SPATA16: variants seen among roughly 807,000 people sequenced by gnomAD.
The protein encoded by SPATA16 is spermatogenesis-associated protein 16.
A neutral mutation model predicts 63.3 loss-of-function variants in SPATA16; 36 were observed. The ratio of observed to expected loss-of-function variants is 0.57; its 90% CI spans 0.44 to 0.75. The LOEUF (loss-of-function observed/expected upper bound fraction) is 0.75, where lower values mean the gene tolerates loss of function less well. Ranked by LOEUF, SPATA16 falls within the 30% of genes least tolerant of loss-of-function variation. The probability of loss-of-function intolerance (pLI) is 0.00; values close to 1 mark genes in which losing one functional copy is unlikely to be tolerated. For synonymous variants in SPATA16, 203 were observed against 216.7 expected, an observed-to-expected ratio of 0.94 and a Z score of 0.56; for missense variants, 646 against 679.3, an observed-to-expected ratio of 0.95 and a Z score of 0.54.
intron 3 of SPATA16, among the ~76,000 whole-genome samples, chr3:173,021,962 G>T (rs1735342356): frequency 6.6e-6 from 1 of 151,970 alleles, no homozygotes; most frequent in Non-Finnish European, 1.5e-5. Flanking sequence ...TGCTCTGTCA[G>T]ACAAGTTCTT....
At chr3:173,057,477 C>G (rs1198470448) in intron 2 of SPATA16, among the ~76,000 whole-genome samples, 2 of 99,252 alleles carry the variant, frequency 2.0e-5, no homozygotes, top group African/African-American at 5.4e-5. Flanking sequence ...TTATTCCTAT[C>G]TATTAGGCTC....
chr3:173,113,162 A>AT (rs1259918471), intron 2 of SPATA16, among the ~76,000 whole-genome samples: 1 of 152,182 alleles, frequency 6.6e-6, no homozygotes, highest in Non-Finnish European at 1.5e-5. Context: ...AGGCAGTCAT[A>AT]TTTTTTTAAA....
At chr3:173,007,353 A>G (rs12632163) in intron 4 of SPATA16, among the ~76,000 whole-genome samples, 10,115 of 152,220 alleles carry the variant, frequency 0.066, 512 homozygotes, top group East Asian at 0.12. Context: ...GCGGAGGATG[A>G]TAAGAGCGGC....
At chr3:172,929,233 TA>T (rs896474607) in intron 6 of SPATA16, among the ~76,000 whole-genome samples, 304 of 151,752 alleles carry the variant, frequency 2.0e-3, no homozygotes, top group African/African-American at 6.6e-3. Context: ...AATTTATTAT[TA>T]AAAAAAAATC....
At chr3:172,945,663 C>T (rs1733266107) in intron 6 of SPATA16, among the ~76,000 whole-genome samples, 1 of 152,152 alleles carries the variant, frequency 6.6e-6, no homozygotes, top group Admixed American at 6.5e-5. Context: ...GGGCAGAACC[C>T]AGTCAGCACC....
chr3:172,923,761 T>C (rs1577090867), intron 8 of SPATA16, among the ~76,000 whole-genome samples: 1 of 152,342 alleles, frequency 6.6e-6, no homozygotes, highest in South Asian at 2.1e-4. Context: ...TGCCAATGTT[T>C]AGAGAAGCAT....
chr3:173,072,624 G>C (rs887890130), intron 2 of SPATA16, among the ~76,000 whole-genome samples: 7 of 152,078 alleles, frequency 4.6e-5, no homozygotes, highest in Non-Finnish European at 7.4e-5. Context: ...CATGGCTTCT[G>C]CCTCCCACCA....
At chr3:172,914,425 A>C (rs545070748) in intron 9 of SPATA16, among the ~76,000 whole-genome samples, 1 of 152,300 alleles carries the variant, frequency 6.6e-6, no homozygotes, top group East Asian at 1.9e-4. Flanking sequence ...AGGTTAAAAA[A>C]AGTTCTTAAA....
chr3:173,094,777 T>C (rs889738258), intron 2 of SPATA16, among the ~76,000 whole-genome samples: 3 of 151,110 alleles, frequency 2.0e-5, no homozygotes, highest in South Asian at 2.1e-4. Context: ...TTCTGAAAGA[T>C]TGTGATGGGC....
chr3:172,896,785 A>G (rs1732018996), intron 10 of SPATA16, among the ~76,000 whole-genome samples: 1 of 150,948 alleles, frequency 6.6e-6, no homozygotes, highest in Admixed American at 6.6e-5. Context: ...TTCAAATTGG[A>G]TCGGCTTTTT....
At chr3:173,065,993 T>C (rs1114277) in intron 2 of SPATA16, among the ~76,000 whole-genome samples, 65,007 of 152,006 alleles carry the variant, frequency 0.43, 15,047 homozygotes, top group African/African-American at 0.62. Flanking sequence ...TGCATGCAGC[T>C]ATGAGACACT....
At chr3:173,000,972 TCA>T (rs1380469778) in intron 4 of SPATA16, among the ~76,000 whole-genome samples, 4 of 152,236 alleles carry the variant, frequency 2.6e-5, no homozygotes, top group African/African-American at 9.6e-5. Context: ...AACAAATTAA[TCA>T]CAGTTTCTTT....
At chr3:173,000,112 C>T (rs1734782063) in intron 4 of SPATA16, among the ~76,000 whole-genome samples, 1 of 152,152 alleles carries the variant, frequency 6.6e-6, no homozygotes, top group African/African-American at 2.4e-5. Flanking sequence ...CTTCACGCTC[C>T]AGAATGGGAA....
chr3:172,943,955 T>C (rs1052980682), intron 6 of SPATA16, among the ~76,000 whole-genome samples: 8 of 152,230 alleles, frequency 5.3e-5, no homozygotes, highest in African/African-American at 1.9e-4. Flanking sequence ...TTTTCATAAA[T>C]TTGAAAATTT....
intron 2 of SPATA16, among the ~76,000 whole-genome samples, chr3:173,056,223 T>A (rs1452107436): frequency 1.3e-5 from 2 of 152,222 alleles, no homozygotes; most frequent in African/African-American, 4.8e-5. Flanking sequence ...GAGGATTGTG[T>A]TTAGTGATAT....
At chr3:173,046,516 A>G (rs937608045) in intron 3 of SPATA16, among the ~76,000 whole-genome samples, 2 of 152,042 alleles carry the variant, frequency 1.3e-5, no homozygotes, top group African/African-American at 2.4e-5. Flanking sequence ...TGTGTTAACA[A>G]GTCTCCTAAA....
At chr3:173,027,006 T>A (rs1735468265) in intron 3 of SPATA16, among the ~76,000 whole-genome samples, 1 of 151,910 alleles carries the variant, frequency 6.6e-6, no homozygotes, top group Non-Finnish European at 1.5e-5. Flanking sequence ...CTTTAAGATC[T>A]ATTGACATCT....
At chr3:173,021,658 A>G (rs967758229) in intron 3 of SPATA16, among the ~76,000 whole-genome samples, 8 of 152,172 alleles carry the variant, frequency 5.3e-5, no homozygotes, top group East Asian at 1.9e-4. Context: ...AGCTTTGTCC[A>G]GGGACTGGGT....
At chr3:173,088,534 T>G (rs142609269) in intron 2 of SPATA16, among the ~76,000 whole-genome samples, 267 of 152,358 alleles carry the variant, frequency 1.8e-3, no homozygotes, top group African/African-American at 6.2e-3. Context: ...TATACACACT[T>G]ATGATTATAT....
Sources: gnomAD v4.1 joint callset for allele counts (sites outside exome capture counted in the v4.1 genomes callset) on GRCh38, gnomAD v4.1.1 for gene constraint, MANE v1.5 for transcripts, NCBI Gene and HGNC (gene_info 2026-07-23, HGNC 2026-07-21) for gene names.